The following ALG13 variants were observed in gnomAD, a reference collection of about 807,000 sequenced individuals.
ALG13 encodes the protein ALG13 UDP-N-acetylglucosaminyltransferase subunit.
ALG13 carries 11 observed loss-of-function variants against 87.8 expected under a neutral mutation model. The observed-to-expected ratio is 0.13, with a 90% CI of 0.08 to 0.21. The LOEUF is 0.21. Among genes scored for constraint, ALG13 ranks in the 10% least tolerant of loss-of-function variants. ALG13 has a pLI of 1.00. For synonymous variants in ALG13, 320 were observed against 306.3 expected (o/e 1.04, Z -0.47); for missense variants, 756 against 866.1 (o/e 0.87, Z 1.60).
chrX:111,720,213 T>TGCA (rs1342453422), intron 11 of ALG13, 43 bp downstream of exon 11: 1 of 950,735 alleles, frequency 1.1e-6, no homozygotes. Context: ...AGTCTTGGCT[T>TGCA]GCAGCATCAT....
intron 3 of ALG13, among the ~76,000 whole-genome samples, chrX:111,698,595 A>C (rs1937295732): frequency 9.0e-6 from 1 of 111,599 alleles, no homozygotes. Context: ...TAGATTCCGC[A>C]TGTAAATCAT....
At position 111,722,710 on chromosome X, in the gene ALG13, A is replaced by G. The variant is rs1167465657; in HGVS notation, c.1436-83A>G. The G allele has an allele frequency of 6.0e-6, 4 of 669,875 alleles. No homozygotes were observed. The East Asian group carries it at 1.5e-4, about 24-fold the overall frequency. 55.2% of individuals were successfully genotyped at this position (669,875 alleles called of 1,213,427 possible). A position where few individuals can be genotyped will look rare whatever the true frequency, so the allele number is the denominator to read the frequency against. ...TAGTGGTAGCGTTGTCAAAGGCACTACGGTAAAAGTAAATGAGGAAATTAA... is the reference window on the plus strand; with the variant it reads ...TAGTGGTAGCGTTGTCAAAGGCACTGCGGTAAAAGTAAATGAGGAAATTAA... On this transcript the variant is annotated intron_variant, in intron 12 of 26. Coordinates refer to ENST00000394780, the MANE Select transcript of ALG13 (RefSeq NM_001099922.3).
intron 23 of ALG13, among the ~76,000 whole-genome samples, chrX:111,738,155 A>G (rs966587657): frequency 5.3e-5 from 6 of 112,597 alleles, no homozygotes; most frequent in Admixed American, 3.7e-4. Context: ...AAAGAATAAC[A>G]TAAATCAGAA....
chrX:111,686,185 C>A, intron 3 of ALG13: 1 of 1,094,912 alleles, frequency 9.1e-7, no homozygotes, highest in Non-Finnish European at 1.2e-6. Flanking sequence ...GTCAGTAATT[C>A]CCACTTGTTT....
intron 23 of ALG13, among the ~76,000 whole-genome samples, chrX:111,738,271 G>T (rs1414851848): frequency 2.7e-5 from 3 of 112,280 alleles, no homozygotes; most frequent in Non-Finnish European, 5.6e-5. Context: ...GCAAATACAG[G>T]TTGAGTATTC....
chrX:111,683,326 A>ATTTTTT (rs763991466), intron 2 of ALG13, among the ~76,000 whole-genome samples: 2 of 63,565 alleles, frequency 3.1e-5, no homozygotes, highest in Non-Finnish European at 6.1e-5. Flanking sequence ...CTTTCTTTCT[A>ATTTTTT]TTTTTTTTTT....
intron 25 of ALG13, chrX:111,753,110 C>T: frequency 4.8e-6 from 1 of 208,918 alleles, no homozygotes; most frequent in Non-Finnish European, 8.7e-6. Context: ...TTTAACATTA[C>T]ATGCTAACTT....
chrX:111,710,650 T>C (rs951791598), intron 5 of ALG13, among the ~76,000 whole-genome samples: 1 of 112,214 alleles, frequency 8.9e-6, no homozygotes, highest in Admixed American at 9.4e-5. Context: ...CATGGGTGTA[T>C]ACATAAGTCA....
At chrX:111,702,357 T>G (rs1407246537) in intron 3 of ALG13, among the ~76,000 whole-genome samples, 1 of 111,933 alleles carries the variant, frequency 8.9e-6, no homozygotes, top group Non-Finnish European at 1.9e-5. Context: ...TCTGTGAGAT[T>G]CATTTTCAAT....
At chrX:111,718,009 A>G (rs1940880003) in intron 9 of ALG13, 82 bp downstream of exon 9, 2 of 1,078,696 alleles carry the variant, frequency 1.9e-6, no homozygotes. Flanking sequence ...TAGCCCCTTT[A>G]AAACCTTGTT....
chrX:111,735,208 TCAAAG>T, intron 22 of ALG13, 86 bp downstream of exon 22: 1 of 590,384 alleles, frequency 1.7e-6, no homozygotes, highest in Non-Finnish European at 2.8e-6. Flanking sequence ...TCATCATACT[TCAAAG>T]CAACTGCTTT....
chrX:111,722,831 C>G lies in ALG13; in HGVS notation c.1474C>G (p.Gln492Glu). ...TGATTACATGGAGTATGCTGGGAGACAGTACTATTTGGGAGACAAGTGTCA... is the reference window on the plus strand; with the variant it reads ...TGATTACATGGAGTATGCTGGGAGAGAGTACTATTTGGGAGACAAGTGTCA... ...KSDYMEYAGRQYYLGDKCQVC... is the reference protein window; with the variant it reads ...KSDYMEYAGREYYLGDKCQVC... Residue 492 changes from glutamine to glutamate, a missense_variant, in exon 13 of 27, where the codon CAG becomes GAG. Physicochemically the swap from Gln to Glu is conservative, Grantham distance 29. Coordinates refer to ENST00000394780, the MANE Select transcript of ALG13 (RefSeq NM_001099922.3). The G allele has an allele frequency of 1.7e-6, 2 of 1,200,665 alleles. No homozygotes were observed. The highest frequency in any genetic ancestry group is 2.3e-6 in the Non-Finnish European group (2 of 887,916).
At chrX:111,747,070 A>G (rs188626932) in intron 24 of ALG13, among the ~76,000 whole-genome samples, 3 of 111,907 alleles carry the variant, frequency 2.7e-5, no homozygotes, top group Admixed American at 1.9e-4. Flanking sequence ...TTGGCACATC[A>G]TTATCATCCA....
chrX:111,683,326 ATTTTTTTT>A (rs763991466), intron 2 of ALG13, among the ~76,000 whole-genome samples: 1 of 63,567 alleles, frequency 1.6e-5, no homozygotes, highest in African/African-American at 6.0e-5. Flanking sequence ...CTTTCTTTCT[ATTTTTTTT>A]TTTTTTTTTT....
At chrX:111,697,403 C>A (rs1937117834) in intron 3 of ALG13, among the ~76,000 whole-genome samples, 1 of 111,568 alleles carries the variant, frequency 9.0e-6, no homozygotes, top group South Asian at 3.8e-4. Flanking sequence ...ATTCCCTGGA[C>A]CAGCATCATC....
chrX:111,757,317 A>G (rs753657836), intron 25 of ALG13: 11 of 247,991 alleles, frequency 4.4e-5, no homozygotes, highest in Admixed American at 3.2e-4. Context: ...TAAAAATACT[A>G]TAAAAGACAC....
chrX:111,714,987 A>G (rs2148069629), intron 8 of ALG13, among the ~76,000 whole-genome samples: 1 of 111,956 alleles, frequency 8.9e-6, no homozygotes. Context: ...GTTTTTCCTC[A>G]ACATTGTATT....
At chrX:111,686,318 C>T (rs765252636) in intron 3 of ALG13, 2 of 322,131 alleles carry the variant, frequency 6.2e-6, no homozygotes, top group South Asian at 1.9e-4. Context: ...AAATAAAAAA[C>T]CTGAGAAGAA....
chrX:111,740,111 G>A (rs1007679411), intron 23 of ALG13, among the ~76,000 whole-genome samples: 1 of 111,551 alleles, frequency 9.0e-6, no homozygotes, highest in Non-Finnish European at 1.9e-5. Flanking sequence ...ACTATACTAT[G>A]TAATAGCCTT....
Sources: gnomAD v4.1 joint callset for allele counts (sites outside exome capture counted in the v4.1 genomes callset) on GRCh38, gnomAD v4.1.1 for gene constraint, MANE v1.5 for transcripts, NCBI Gene and HGNC (gene_info 2026-07-23, HGNC 2026-07-21) for gene names.